The following NXPH1 variants were observed in gnomAD, a reference collection of about 807,000 sequenced individuals.
The protein encoded by NXPH1 is neurexophilin-1.
In NXPH1, 5 loss-of-function variants were observed where a neutral mutation model predicts 23.7. The ratio of observed to expected loss-of-function variants is 0.21; its 90% CI spans 0.11 to 0.44. The LOEUF is 0.44. Among genes scored for constraint, NXPH1 ranks in the 20% least tolerant of loss-of-function variants. NXPH1 has a pLI of 0.99. For synonymous variants in NXPH1, 144 were observed against 122.2 expected, an observed-to-expected ratio of 1.18 and a Z score of -1.18; for missense variants, 324 against 321.6, an observed-to-expected ratio of 1.01 and a Z score of -0.06.
chr7:8,516,790 C>T (rs1584205665), intron 2 of NXPH1, among the ~76,000 whole-genome samples: 1 of 152,190 alleles, frequency 6.6e-6, no homozygotes, highest in East Asian at 1.9e-4. Context: ...CCCACTCAAA[C>T]AGGTTTGCAA....
At chr7:8,730,671 C>G (rs750875338) in intron 2 of NXPH1, among the ~76,000 whole-genome samples, 2 of 152,162 alleles carry the variant, frequency 1.3e-5, no homozygotes, top group African/African-American at 4.8e-5. Context: ...TATTGGCCCC[C>G]ACTCTCTTCT....
chr7:8,489,709 T>C (rs1817217176), intron 2 of NXPH1, among the ~76,000 whole-genome samples: 1 of 152,098 alleles, frequency 6.6e-6, no homozygotes, highest in South Asian at 2.1e-4. Context: ...CTACTCAGAC[T>C]CATGGCATAT....
intron 2 of NXPH1, among the ~76,000 whole-genome samples, chr7:8,728,227 G>C (rs1034220364): frequency 2.8e-4 from 42 of 152,168 alleles, no homozygotes; most frequent in Non-Finnish European, 5.0e-4. Context: ...ATCAGCTTAA[G>C]GAGATTTTGG....
At chr7:8,569,307 A>G (rs565945897) in intron 2 of NXPH1, among the ~76,000 whole-genome samples, 3 of 151,924 alleles carry the variant, frequency 2.0e-5, no homozygotes, top group Admixed American at 6.6e-5. Flanking sequence ...AACAATATAC[A>G]TAACAACCCA....
intron 2 of NXPH1, among the ~76,000 whole-genome samples, chr7:8,490,410 G>GTT (rs576239702): frequency 1.7e-3 from 241 of 139,762 alleles, no homozygotes; most frequent in African/African-American, 5.9e-3. Flanking sequence ...TACACAGGCT[G>GTT]TTTTTTTTTT....
chr7:8,450,369 C>T (rs1026204691), intron 2 of NXPH1, among the ~76,000 whole-genome samples: 1 of 152,208 alleles, frequency 6.6e-6, no homozygotes, highest in African/African-American at 2.4e-5. Context: ...AACTATGAAA[C>T]TTCAAATCTG....
chr7:8,609,427 C>A (rs544958917), intron 2 of NXPH1, among the ~76,000 whole-genome samples: 6 of 152,092 alleles, frequency 3.9e-5, no homozygotes, highest in African/African-American at 1.4e-4. Flanking sequence ...CAAGACTTAG[C>A]TAATTCATGA....
intron 2 of NXPH1, among the ~76,000 whole-genome samples, chr7:8,730,812 A>G (rs938894788): frequency 2.7e-5 from 4 of 149,958 alleles, no homozygotes; most frequent in African/African-American, 7.4e-5. Flanking sequence ...TCTGACAATT[A>G]TGTGTCTTGG....
rs768088761 is a variant in NXPH1 at position 8,751,514 on chromosome 7, A to C, written c.561A>C (p.Lys187Asn). 1 of 1,613,724 alleles carries C rather than the reference A, an allele frequency of 6.2e-7. No homozygotes were observed. Among genetic ancestry groups the C allele is most frequent in the South Asian group, 1.1e-5 (1 of 91,076 alleles). The part of the protein sequence containing the change: ...DLAQQTVIDA[K>N]DSKSFNCRIE... Reference sequence around the variant, plus strand: ...CACAACAAACCGTGATTGATGCCAAAGATTCCAAGTCTTTTAATTGTCGCA... The same window carrying C: ...CACAACAAACCGTGATTGATGCCAACGATTCCAAGTCTTTTAATTGTCGCA... The change falls in exon 3 of 3, where the codon AAA (lysine) becomes AAC (asparagine). Residue 187 changes from lysine (K) to asparagine (N), a missense_variant. Physicochemically the swap from Lys to Asn is moderately conservative, Grantham distance 94 (BLOSUM62 0). Transcript: ENST00000405863. The surrounding 1 kb of genome is among the most constrained non-coding windows in gnomAD (Gnocchi z 4.5).
chr7:8,706,330 C>A (rs996867162), intron 2 of NXPH1, among the ~76,000 whole-genome samples: 2 of 152,184 alleles, frequency 1.3e-5, no homozygotes, highest in Non-Finnish European at 2.9e-5. Flanking sequence ...CAGGCTTAAG[C>A]AGATTCAGAA....
intron 2 of NXPH1, among the ~76,000 whole-genome samples, chr7:8,520,136 G>A (rs999985452): frequency 6.6e-6 from 1 of 152,116 alleles, no homozygotes; most frequent in Non-Finnish European, 1.5e-5. Context: ...TTGATCATGT[G>A]TCACGAGAAT....
intron 2 of NXPH1, among the ~76,000 whole-genome samples, chr7:8,478,781 T>C (rs552076774): frequency 6.6e-6 from 1 of 152,244 alleles, no homozygotes; most frequent in South Asian, 2.1e-4. Flanking sequence ...GAAAGAAAAT[T>C]AGATTATTAT....
chr7:8,710,980 C>T (rs929216827), intron 2 of NXPH1, among the ~76,000 whole-genome samples: 1 of 152,168 alleles, frequency 6.6e-6, no homozygotes, highest in Non-Finnish European at 1.5e-5. Flanking sequence ...TTTATGATAA[C>T]ACAAGGATAC....
intron 2 of NXPH1, among the ~76,000 whole-genome samples, chr7:8,511,145 A>T (rs916207006): frequency 6.6e-6 from 1 of 152,168 alleles, no homozygotes; most frequent in Non-Finnish European, 1.5e-5. Context: ...CTTCTAAAAA[A>T]ATTAATGCAT....
chr7:8,723,836 C>A (rs890664474), intron 2 of NXPH1, among the ~76,000 whole-genome samples: 9 of 152,014 alleles, frequency 5.9e-5, no homozygotes, highest in Admixed American at 5.2e-4. Flanking sequence ...AGCTTATACA[C>A]AGGTTCTAAA....
intron 2 of NXPH1, among the ~76,000 whole-genome samples, chr7:8,723,508 A>T (rs1307831456): frequency 6.6e-6 from 1 of 152,216 alleles, no homozygotes; most frequent in Non-Finnish European, 1.5e-5. Context: ...TTAAGTAAAA[A>T]TACATTTATT....
At chr7:8,720,909 T>A (rs1779959921) in intron 2 of NXPH1, among the ~76,000 whole-genome samples, 1 of 152,206 alleles carries the variant, frequency 6.6e-6, no homozygotes, top group Non-Finnish European at 1.5e-5. Flanking sequence ...ATTAATAGCC[T>A]ATGCTGTTCA....
At position 8,751,164 on chromosome 7, in the gene NXPH1, G is replaced by C. The variant is rs371591447; in HGVS notation, c.211G>C (p.Asp71His). ...QTFRGKENDT[D>H]LDLRYDTPEP... ...TTTTCGTGGCAAAGAGAATGATACA[G>C]ATTTGGACCTGAGATATGACACCCC... Residue 71 changes from aspartate (D) to histidine (H), a missense_variant, in exon 3 of 3, where the codon GAT (aspartate) becomes CAT (histidine). By Grantham distance (81) the Asp-to-His change is moderately conservative. Transcript: ENST00000405863. This position sits in a 1 kb window ranked among gnomAD's most constrained non-coding sequence, Gnocchi z 4.5. 1 of 1,613,714 alleles carries C rather than the reference G, an allele frequency of 6.2e-7. No homozygotes were observed. Among genetic ancestry groups the C allele is most frequent in the African/African-American group, 1.3e-5 (1 of 74,920 alleles).
chr7:8,541,733 G>T (rs757171008), intron 2 of NXPH1, among the ~76,000 whole-genome samples: 8 of 151,378 alleles, frequency 5.3e-5, no homozygotes, highest in Non-Finnish European at 1.0e-4. Context: ...GCCAGAAGGG[G>T]GAAAATGGAA....
Sources: allele counts gnomAD v4.1 joint callset (sites outside exome capture counted in the v4.1 genomes callset), GRCh38; gene constraint gnomAD v4.1.1; non-coding constraint Gnocchi (gnomAD v3.1); transcripts MANE v1.5; gene names NCBI Gene and HGNC (gene_info 2026-07-23, HGNC 2026-07-21).